ANK2: variants seen among roughly 807,000 people sequenced by gnomAD.
The protein encoded by ANK2 is ankyrin-2.
A neutral mutation model predicts 360.5 loss-of-function variants in ANK2; 83 were observed. The observed-to-expected ratio is 0.23, with a 90% CI of 0.19 to 0.28. ANK2 has a LOEUF of 0.28. Ranked by LOEUF, ANK2 falls within the 10% of genes least tolerant of loss-of-function variation. The probability of loss-of-function intolerance (pLI) is 1.00; values close to 1 mark genes in which losing one functional copy is unlikely to be tolerated. For synonymous variants in ANK2, 1,740 were observed against 1,759.5 expected (o/e 0.99, Z 0.28); for missense variants, 4,201 against 4,795.7 (o/e 0.88, Z 3.66).
chr4:113,379,857 A>G (rs2097106335), intron 45 of ANK2, among the ~76,000 whole-genome samples: 1 of 152,228 alleles, frequency 6.6e-6, no homozygotes, highest in African/African-American at 2.4e-5. Flanking sequence ...ATCGTAACAA[A>G]TGCATAGAGG....
At chr4:112,735,336 T>C in the ANK2 span, among the ~76,000 whole-genome samples, 1 of 150,916 alleles carries the variant, frequency 6.6e-6, no homozygotes, top group Non-Finnish European at 1.5e-5. Flanking sequence ...GTTTCAAAAA[T>C]AAATAAAATA....
chr4:112,809,388 C>T, the ANK2 span, among the ~76,000 whole-genome samples: 69 of 150,696 alleles, frequency 4.6e-4, no homozygotes, highest in African/African-American at 1.4e-3. Context: ...GGTGAAACCC[C>T]GTCTCTACTA....
intron 26 of ANK2, among the ~76,000 whole-genome samples, chr4:113,328,498 T>TA (rs991009606): frequency 6.6e-6 from 1 of 152,036 alleles, no homozygotes; most frequent in Non-Finnish European, 1.5e-5. Context: ...AAAAGTCAAA[T>TA]AAAAAAAATT....
intron 15 of ANK2, among the ~76,000 whole-genome samples, chr4:113,275,598 C>T (rs1586844322): frequency 2.0e-5 from 3 of 152,010 alleles, no homozygotes; most frequent in East Asian, 3.9e-4. Context: ...TATGGCTTAT[C>T]TGGTTGCCTG....
intron 1 of ANK2, among the ~76,000 whole-genome samples, chr4:112,857,272 C>G (rs1014930428): frequency 1.3e-5 from 2 of 152,122 alleles, no homozygotes; most frequent in African/African-American, 4.8e-5. Flanking sequence ...GGATGAAATT[C>G]AGTTCTCTAA....
intron 13 of ANK2, among the ~76,000 whole-genome samples, chr4:113,262,918 G>A (rs1284932540): frequency 2.6e-5 from 4 of 151,736 alleles, no homozygotes; most frequent in Middle Eastern, 3.2e-3. Flanking sequence ...TGCCGGGCAC[G>A]GTGGCTCACA....
At chr4:112,900,977 G>T (rs1260596644) in intron 1 of ANK2, among the ~76,000 whole-genome samples, 1 of 152,180 alleles carries the variant, frequency 6.6e-6, no homozygotes, top group Non-Finnish European at 1.5e-5. Context: ...TAATAGGAGG[G>T]TTTTCATGAG....
the ANK2 span, among the ~76,000 whole-genome samples, chr4:112,753,937 C>G: frequency 7.3e-5 from 11 of 151,336 alleles, no homozygotes; most frequent in Admixed American, 5.9e-4. Context: ...GTCTCTACTA[C>G]AAATACAAAA....
chr4:112,804,848 G>A, the ANK2 span, among the ~76,000 whole-genome samples: 1 of 151,726 alleles, frequency 6.6e-6, no homozygotes, highest in African/African-American at 2.4e-5. Flanking sequence ...TGTAATACTA[G>A]ATACTCTGGA....
chr4:112,944,388 A>T (rs879548911), intron 2 of ANK2, among the ~76,000 whole-genome samples: 1 of 152,208 alleles, frequency 6.6e-6, no homozygotes, highest in Non-Finnish European at 1.5e-5. Context: ...TGGGTAAATT[A>T]AACTATCCAT....
intron 1 of ANK2, among the ~76,000 whole-genome samples, chr4:113,129,902 A>G (rs1455371949): frequency 1.3e-5 from 2 of 152,176 alleles, no homozygotes; most frequent in African/African-American, 2.4e-5. Context: ...TGATGTTGAA[A>G]ATAACAATTA....
At chr4:113,176,941 C>G (rs958826058) in intron 2 of ANK2, among the ~76,000 whole-genome samples, 34 of 152,132 alleles carry the variant, frequency 2.2e-4, no homozygotes, top group Non-Finnish European at 3.5e-4. Flanking sequence ...TCATCCGTGT[C>G]CCTACAAAGG....
intron 37 of ANK2, chr4:113,350,506 C>T (rs906599591): frequency 7.4e-6 from 3 of 406,902 alleles, no homozygotes; most frequent in African/African-American, 6.1e-5. Flanking sequence ...TTCTTGTTAA[C>T]CCTGGTATTG....
the ANK2 span, among the ~76,000 whole-genome samples, chr4:112,705,926 C>T: frequency 1.3e-5 from 2 of 148,760 alleles, no homozygotes; most frequent in East Asian, 3.9e-4. Context: ...CCCGAGTCCG[C>T]CGGCCGGGAT....
chr4:113,036,380 T>A (rs1185497390), intron 2 of ANK2, among the ~76,000 whole-genome samples: 2 of 151,928 alleles, frequency 1.3e-5, no homozygotes, highest in African/African-American at 4.8e-5. Flanking sequence ...ATACAGAAAC[T>A]GAGGACCAAG....
chr4:112,738,946 C>T, the ANK2 span: 2 of 717,370 alleles, frequency 2.8e-6, no homozygotes, highest in Non-Finnish European at 4.9e-6. Context: ...TGGTCCAGAA[C>T]ATCAAGGAGC....
chr4:113,309,164 C>T (rs1206922882), intron 23 of ANK2, among the ~76,000 whole-genome samples: 12 of 152,122 alleles, frequency 7.9e-5, no homozygotes, highest in Admixed American at 4.6e-4. Flanking sequence ...TAACTGTCTT[C>T]GAGAGAAATT....
At chr4:112,954,229 C>CCCTTCCTTCCTT (rs1162519296) in intron 2 of ANK2, among the ~76,000 whole-genome samples, 8,627 of 141,312 alleles carry the variant, frequency 0.061, 430 homozygotes, top group African/African-American at 0.13. Context: ...CTCCCTCCCT[C>CCCTTCCTTCCTT]CCTTCCTTCC....
chr4:113,293,340 A>G (rs1276222223), intron 21 of ANK2, 100 bp from the exon 22 acceptor site: 1 of 1,032,964 alleles, frequency 9.7e-7, no homozygotes, highest in South Asian at 1.3e-5. Flanking sequence ...CTTGTTTTGG[A>G]AGGAAATGCT....
Sources: gnomAD v4.1 joint callset for allele counts (sites outside exome capture counted in the v4.1 genomes callset) on GRCh38, gnomAD v4.1.1 for gene constraint, MANE v1.5 for transcripts, NCBI Gene and HGNC (gene_info 2026-07-23, HGNC 2026-07-21) for gene names.